Variants in PAK2 observed in about 807,000 individuals in gnomAD.
PAK2 encodes p21 (RAC1) activated kinase 2.
Under a neutral mutation model 65.9 loss-of-function variants are expected in PAK2, and 21 were observed. The observed-to-expected ratio is 0.32, with a 90% CI of 0.23 to 0.46. The LOEUF (loss-of-function observed/expected upper bound fraction) is 0.46, where lower values mean the gene tolerates loss of function less well. PAK2 is among the 20% of genes least tolerant of loss of function. The pLI, the probability that PAK2 is intolerant of heterozygous loss-of-function variation, is 1.00. For synonymous variants in PAK2, 204 were observed against 219.7 expected (o/e 0.93, Z 0.63); for missense variants, 324 against 642.6 (o/e 0.50, Z 5.36).
chr3:196,793,176 C>T (rs1178454816), intron 2 of PAK2, among the ~76,000 whole-genome samples: 1 of 152,150 alleles, frequency 6.6e-6, no homozygotes, highest in Non-Finnish European at 1.5e-5. Flanking sequence ...TATCCCCATC[C>T]TCCGGAAGGA....
intron 1 of PAK2, among the ~76,000 whole-genome samples, chr3:196,746,829 A>T (rs1431303354): frequency 1.2e-5 from 1 of 85,328 alleles, no homozygotes; most frequent in Admixed American, 1.1e-4. Flanking sequence ...AAAAAAAAAA[A>T]AGGATAGGCC....
At chr3:196,778,499 T>C (rs770074867) in intron 1 of PAK2, among the ~76,000 whole-genome samples, 1 of 152,210 alleles carries the variant, frequency 6.6e-6, no homozygotes, top group African/African-American at 2.4e-5. Context: ...TAGGGGATAA[T>C]TTTAGATTTA....
chr3:196,811,763 G>A (rs1715835103), intron 8 of PAK2, among the ~76,000 whole-genome samples: 2 of 151,982 alleles, frequency 1.3e-5, no homozygotes, highest in East Asian at 1.9e-4. Flanking sequence ...ATATTTTATA[G>A]GGATACATAT....
At chr3:196,794,394 CA>C (rs979757536) in intron 2 of PAK2, among the ~76,000 whole-genome samples, 2 of 152,168 alleles carry the variant, frequency 1.3e-5, no homozygotes, top group Admixed American at 6.5e-5. Context: ...AGACAGTTCC[CA>C]GGGGCACAGA....
chr3:196,810,868 T>C (rs1715756584), intron 8 of PAK2, among the ~76,000 whole-genome samples: 1 of 152,108 alleles, frequency 6.6e-6, no homozygotes, highest in Non-Finnish European at 1.5e-5. Flanking sequence ...TCATTATTTT[T>C]TCTTAAGTGT....
intron 1 of PAK2, among the ~76,000 whole-genome samples, chr3:196,780,249 T>C (rs942889383): frequency 2.0e-5 from 3 of 152,180 alleles, no homozygotes; most frequent in Non-Finnish European, 2.9e-5. Flanking sequence ...CCAGCCCTTC[T>C]CTAGCTAGTT....
intron 1 of PAK2, among the ~76,000 whole-genome samples, chr3:196,772,745 CT>C (rs1714398602): frequency 6.9e-6 from 1 of 145,384 alleles, no homozygotes; most frequent in South Asian, 2.1e-4. Flanking sequence ...ATCTGAGGCT[CT>C]TTTGTGTTTT....
chr3:196,785,924 A>G (rs774355732), intron 2 of PAK2, among the ~76,000 whole-genome samples: 1 of 152,174 alleles, frequency 6.6e-6, no homozygotes, highest in Non-Finnish European at 1.5e-5. Context: ...AGAATTCAAG[A>G]TGAGATTTGG....
chr3:196,803,266 T>G, intron 4 of PAK2, 102 bp downstream of exon 4: 10 of 942,358 alleles, frequency 1.1e-5, no homozygotes, highest in Non-Finnish European at 1.6e-5. Flanking sequence ...ATGGTTCTTG[T>G]TGATAACGGT....
intron 1 of PAK2, among the ~76,000 whole-genome samples, chr3:196,774,537 A>T (rs1007087716): frequency 1.3e-5 from 2 of 152,188 alleles, no homozygotes; most frequent in Non-Finnish European, 2.9e-5. Flanking sequence ...GGAAAAAGAA[A>T]AGCTAAGAAT....
intron 1 of PAK2, among the ~76,000 whole-genome samples, chr3:196,743,685 A>G (rs953410730): frequency 6.6e-5 from 10 of 152,000 alleles, no homozygotes; most frequent in Admixed American, 5.9e-4. Context: ...TATATTCTCT[A>G]CTATTCTTTA....
chr3:196,812,293 T>C, intron 9 of PAK2, 26 bp downstream of exon 9: 1 of 1,417,286 alleles, frequency 7.1e-7, no homozygotes, highest in Non-Finnish European at 1.0e-6. Flanking sequence ...TAATCCTGGG[T>C]GTTACCATTA....
rs201290169 is a variant in PAK2 at position 196,814,605 on chromosome 3, T to C, written c.1053+37T>C. ...TCCTTCTTGATATGTTATGGTGATA[T>C]GTGGTTAGCAAGAAGTGAACAAAAG... On this transcript the variant is annotated intron_variant, in intron 11 of 14. Transcript: ENST00000327134. 241 of 850,236 alleles carry C rather than the reference T, an allele frequency of 2.8e-4. No homozygotes were observed. In the African/African-American group the frequency reaches 3.0e-3, roughly 10 times the overall value. The allele number at this position is 850,236 out of a possible 1,614,324, so 52.7% of individuals were successfully genotyped here.
chr3:196,762,958 CAG>C (rs1372594779), intron 1 of PAK2, among the ~76,000 whole-genome samples: 1 of 152,008 alleles, frequency 6.6e-6, no homozygotes, highest in Non-Finnish European at 1.5e-5. Flanking sequence ...CTGACTATAA[CAG>C]GGTAATTGAG....
At chr3:196,819,785 T>C (rs775749687) in intron 12 of PAK2, among the ~76,000 whole-genome samples, 6 of 152,194 alleles carry the variant, frequency 3.9e-5, no homozygotes, top group Non-Finnish European at 8.8e-5. Flanking sequence ...GTGGCGACCT[T>C]AGGCTCTCTG....
chr3:196,777,423 C>G (rs930279536), intron 1 of PAK2, among the ~76,000 whole-genome samples: 1 of 152,122 alleles, frequency 6.6e-6, no homozygotes, highest in East Asian at 1.9e-4. Flanking sequence ...AGGCTGGTCT[C>G]GAACTCCTGA....
chr3:196,810,647 G>T lies in PAK2; in HGVS notation c.767G>T (p.Gly256Val). ...AAATATACAAGATATGAAAAAATTG[G>T]ACAAGGGTAAGTATTTGTGACTGTA... Reference protein sequence around the residue: ...KKKYTRYEKIGQGASGTVFTA... With the variant: ...KKKYTRYEKIVQGASGTVFTA... Residue 256 changes from glycine (G) to valine (V), a missense_variant, in exon 8 of 15, where the codon GGA (glycine) becomes GTA (valine). Physicochemically the swap from Gly to Val is moderately radical, Grantham distance 109. Coordinates refer to ENST00000327134, the MANE Select transcript of PAK2 (RefSeq NM_002577.4). 6.9e-7 allele frequency: 1 copy of T among 1,453,986 alleles called. No individual in the cohort carries two copies. Among genetic ancestry groups the T allele is most frequent in the South Asian group, 1.1e-5 (1 of 87,832 alleles). The allele number at this position is 1,453,986 out of a possible 1,614,324, so 90.1% of individuals were successfully genotyped here. A position where few individuals can be genotyped will look rare whatever the true frequency, so the allele number is the denominator to read the frequency against.
chr3:196,751,844 G>A (rs1325438009), intron 1 of PAK2, among the ~76,000 whole-genome samples: 2 of 145,866 alleles, frequency 1.4e-5, no homozygotes, highest in Non-Finnish European at 3.0e-5. Flanking sequence ...CCAGGTTCAA[G>A]TGATTCTCCT....
intron 11 of PAK2, among the ~76,000 whole-genome samples, chr3:196,816,135 C>CT (rs112555922): frequency 2.6e-5 from 4 of 152,172 alleles, no homozygotes; most frequent in Admixed American, 1.3e-4. Flanking sequence ...AAGGGCAAAA[C>CT]TTTAAGTTTA....
Sources: gnomAD v4.1 joint callset for allele counts (sites outside exome capture counted in the v4.1 genomes callset) on GRCh38, gnomAD v4.1.1 for gene constraint, MANE v1.5 for transcripts, NCBI Gene and HGNC (gene_info 2026-07-23, HGNC 2026-07-21) for gene names.